The following COL5A2 variants were observed in gnomAD, a reference collection of about 807,000 sequenced individuals.
The protein encoded by COL5A2 is collagen type V alpha 2 chain.
COL5A2 carries 23 observed loss-of-function variants against 208.2 expected under a neutral mutation model. The observed-to-expected ratio is 0.11, with a 90% CI of 0.08 to 0.16. The LOEUF (loss-of-function observed/expected upper bound fraction) is 0.16, where lower values mean the gene tolerates loss of function less well. COL5A2 is among the 10% of genes least tolerant of loss of function. COL5A2 has a pLI of 1.00. For synonymous variants in COL5A2, 625 were observed against 628.5 expected (o/e 0.99, Z 0.08); for missense variants, 1,590 against 1,956.4 (o/e 0.81, Z 3.53).
the COL5A2 span, among the ~76,000 whole-genome samples, chr2:189,305,604 A>G: frequency 6.6e-6 from 1 of 152,140 alleles, no homozygotes; most frequent in Non-Finnish European, 1.5e-5. Flanking sequence ...GTTTGTAAAT[A>G]CCCAGTCTTT....
chr2:189,359,937 ATG>A, the COL5A2 span, among the ~76,000 whole-genome samples: 2 of 152,080 alleles, frequency 1.3e-5, no homozygotes, highest in East Asian at 1.9e-4. Context: ...CTCAGATTTT[ATG>A]TGAGTCTTCT....
chr2:189,083,961 C>G (rs1232991823), intron 12 of COL5A2, 23 bp downstream of exon 12: 2 of 1,578,004 alleles, frequency 1.3e-6, no homozygotes, highest in African/African-American at 2.7e-5. Flanking sequence ...CAAAGTTTGC[C>G]TTTATGTTGA....
intron 1 of COL5A2, among the ~76,000 whole-genome samples, chr2:189,188,447 TA>T (rs1426872565): frequency 6.6e-6 from 1 of 152,242 alleles, no homozygotes; most frequent in Non-Finnish European, 1.5e-5. Flanking sequence ...TTTACATTTT[TA>T]AAATTTATTT....
At chr2:189,326,490 A>C in the COL5A2 span, among the ~76,000 whole-genome samples, 2 of 152,008 alleles carry the variant, frequency 1.3e-5, no homozygotes, top group Non-Finnish European at 2.9e-5. Flanking sequence ...CAGCCTGGGC[A>C]ACATAGTGAG....
At chr2:189,299,518 T>G in the COL5A2 span, among the ~76,000 whole-genome samples, 3 of 152,174 alleles carry the variant, frequency 2.0e-5, no homozygotes, top group Non-Finnish European at 2.9e-5. Context: ...GGCAAACATA[T>G]TTTAATATTT....
At chr2:189,298,552 G>A in the COL5A2 span, among the ~76,000 whole-genome samples, 1 of 152,102 alleles carries the variant, frequency 6.6e-6, no homozygotes, top group African/African-American at 2.4e-5. Flanking sequence ...TACACCAGAT[G>A]GTGGGAGTGC....
At position 189,088,902 on chromosome 2, in the gene COL5A2, G is replaced by T. The variant is rs73051207; in HGVS notation, c.568-130C>A. The T allele has an allele frequency of 9.4e-4, 741 of 790,760 alleles. 3 individuals are homozygous for T. In the African/African-American group the frequency reaches 0.011, roughly 12 times the overall value. The allele number at this position is 790,760 out of a possible 1,614,324, so 49.0% of individuals were successfully genotyped here. ...CTTCTGAGAATCATTCTAAGTGCTT[G>T]ACTTTAAAGCCTGGAAAAAGACTTA... On this transcript the variant is annotated intron_variant, in intron 7 of 53. Transcript: ENST00000374866.
chr2:189,280,350 A>C, the COL5A2 span, among the ~76,000 whole-genome samples: 1 of 152,116 alleles, frequency 6.6e-6, no homozygotes, highest in African/African-American at 2.4e-5. Context: ...AACATTTTGC[A>C]GCATTTATTT....
chr2:189,238,548 C>T, the COL5A2 span, among the ~76,000 whole-genome samples: 88,076 of 151,944 alleles, frequency 0.58, 26,797 homozygotes, highest in East Asian at 0.72. Context: ...CATTTTCATA[C>T]TGCTATAAAG....
chr2:189,060,746 C>T lies in COL5A2; in HGVS notation c.2069G>A (p.Gly690Glu). 1 of 1,613,412 alleles carries T rather than the reference C, an allele frequency of 6.2e-7. No individual in the cohort carries two copies. The highest frequency in any genetic ancestry group is 8.5e-7 in the Non-Finnish European group (1 of 1,179,462). Residue 690 changes from glycine (G) to glutamate (E), a missense_variant, in exon 31 of 54, where the codon GGA becomes GAA. By Grantham distance (98) the Gly-to-Glu change is moderately conservative (BLOSUM62 -2). Coordinates refer to ENST00000374866, the MANE Select transcript of COL5A2 (RefSeq NM_000393.5). ...PGPPGPPGEGGKPGDQGVPGD... is the reference protein window; with the variant it reads ...PGPPGPPGEGEKPGDQGVPGD... ...AACACTTACTTGATCACCTGGTTTT[C>T]CACCTTCTCCAGGAGGCCCTGGAGG...
At chr2:189,117,497 T>A in intron 1 of COL5A2, among the ~76,000 whole-genome samples, 1 of 152,086 alleles carries the variant, frequency 6.6e-6, no homozygotes, top group Admixed American at 6.5e-5. Context: ...GTCTACTTAA[T>A]CTCTCCTAGC....
At chr2:189,339,824 A>G in the COL5A2 span, among the ~76,000 whole-genome samples, 3 of 152,128 alleles carry the variant, frequency 2.0e-5, no homozygotes, top group Non-Finnish European at 4.4e-5. Flanking sequence ...CCTTGGAACT[A>G]TTTGGGAGGC....
chr2:189,225,815 GT>G (rs1340935030), upstream of COL5A2, among the ~76,000 whole-genome samples: 1 of 151,936 alleles, frequency 6.6e-6, no homozygotes, highest in Admixed American at 6.6e-5. Context: ...GATTTGTTTT[GT>G]TTTGTTTCTT....
upstream of COL5A2, among the ~76,000 whole-genome samples, chr2:189,180,227 T>C (rs1036645903): frequency 1.4e-4 from 21 of 152,190 alleles, no homozygotes; most frequent in African/African-American, 4.6e-4. Flanking sequence ...TTTGACTGAA[T>C]AGGGAGTATT....
At chr2:189,181,265 G>A (rs765137843), upstream of COL5A2, among the ~76,000 whole-genome samples, 4 of 152,022 alleles carry the variant, frequency 2.6e-5, no homozygotes, top group East Asian at 1.9e-4. Flanking sequence ...CAATTTTCCC[G>A]GTTGTTTCCA....
intron 1 of COL5A2, among the ~76,000 whole-genome samples, chr2:189,149,118 C>T (rs576785635): frequency 5.3e-5 from 8 of 152,200 alleles, no homozygotes; most frequent in African/African-American, 1.2e-4. Flanking sequence ...CCCACTTGGG[C>T]GACAGAATAA....
chr2:189,402,209 T>C, the COL5A2 span, among the ~76,000 whole-genome samples: 21,586 of 152,154 alleles, frequency 0.14, 1,959 homozygotes, highest in South Asian at 0.21. Context: ...GTTTTTGTTG[T>C]TGTCGTTTCA....
the COL5A2 span, among the ~76,000 whole-genome samples, chr2:189,366,615 G>C: frequency 1.3e-5 from 2 of 152,224 alleles, no homozygotes; most frequent in Non-Finnish European, 2.9e-5. Flanking sequence ...GTGCGTGCAT[G>C]TGTGCATGTG....
At chr2:189,335,238 C>A in the COL5A2 span, among the ~76,000 whole-genome samples, 2 of 151,990 alleles carry the variant, frequency 1.3e-5, no homozygotes, top group African/African-American at 2.4e-5. Flanking sequence ...TCACAATAAT[C>A]AAAAAATCAT....
Sources: gnomAD v4.1 joint callset for allele counts (sites outside exome capture counted in the v4.1 genomes callset) on GRCh38, gnomAD v4.1.1 for gene constraint, MANE v1.5 for transcripts, NCBI Gene and HGNC (gene_info 2026-07-23, HGNC 2026-07-21) for gene names.